The following FAM200B variants were observed in gnomAD, a reference collection of about 807,000 sequenced individuals.
FAM200B encodes zinc finger BED-type containing 11.
FAM200B carries 32 observed loss-of-function variants against 33.1 expected under a neutral mutation model. That is an observed-to-expected ratio of 0.97 (90% confidence interval 0.73 to 1.30). The LOEUF (loss-of-function observed/expected upper bound fraction) is 1.30, where lower values mean the gene tolerates loss of function less well. FAM200B is among the 50% of genes most tolerant of loss of function. The pLI is 0.00. For missense variants in FAM200B, 741 were observed against 754.0 expected (o/e 0.98, Z 0.20); for synonymous variants, 240 against 264.8 (o/e 0.91, Z 0.91).
At chr4:15,669,290 T>C in the FAM200B span, among the ~76,000 whole-genome samples, 1 of 152,170 alleles carries the variant, frequency 6.6e-6, no homozygotes, top group African/African-American at 2.4e-5. Flanking sequence ...CTGTAGGCAA[T>C]TGTAACACAA....
the FAM200B span, among the ~76,000 whole-genome samples, chr4:15,670,422 TAC>T: frequency 6.6e-6 from 1 of 152,248 alleles, no homozygotes; most frequent in Non-Finnish European, 1.5e-5. Context: ...TGTCTAATAA[TAC>T]AGAGATTCCA....
rs1719270282 is a variant in FAM200B at position 15,690,249 on chromosome 4, C to T, written c.*1298C>T. ...GTAGTCTTCAAACTAATTTCAACTT[C>T]TGCCTTTCTGTGTACTCCCTTATCC... is the stretch of plus-strand genomic sequence containing the variant. On this transcript the variant is annotated 3_prime_UTR_variant, in exon 2 of 2. Transcript: ENST00000422728. The T allele has an allele frequency of 6.0e-6, 1 of 167,060 alleles. No homozygotes were observed. The highest frequency in any genetic ancestry group is 1.5e-5 in the Non-Finnish European group (1 of 68,114). The allele number at this position is 167,060 out of a possible 1,614,324, so 10.3% of individuals were successfully genotyped here. A position where few individuals can be genotyped will look rare whatever the true frequency, so the allele number is the denominator to read the frequency against.
chr4:15,655,170 A>G, the FAM200B span: 1 of 1,362,214 alleles, frequency 7.3e-7, no homozygotes, highest in South Asian at 1.4e-5. Context: ...CGCCGCCCGC[A>G]CCGCCCACAG....
At chr4:15,668,896 T>C in the FAM200B span, among the ~76,000 whole-genome samples, 1 of 152,164 alleles carries the variant, frequency 6.6e-6, no homozygotes, top group Admixed American at 6.5e-5. Context: ...TTAAAAACTA[T>C]CCAGAGTGAC....
chr4:15,652,485 A>AAAAC, the FAM200B span, among the ~76,000 whole-genome samples: 1 of 152,214 alleles, frequency 6.6e-6, no homozygotes, highest in African/African-American at 2.4e-5. Flanking sequence ...ACCTTTCCAT[A>AAAAC]AAACTTTTTA....
chr4:15,683,699 CA>C, intron 1 of FAM200B, among the ~76,000 whole-genome samples: 1 of 151,960 alleles, frequency 6.6e-6, no homozygotes, highest in East Asian at 1.9e-4. Context: ...TTAACATAAG[CA>C]GTTTATTATG....
At chr4:15,660,383 C>T in the FAM200B span, among the ~76,000 whole-genome samples, 2 of 152,222 alleles carry the variant, frequency 1.3e-5, no homozygotes, top group Non-Finnish European at 2.9e-5. Flanking sequence ...CACCCAGCCC[C>T]GACATTGTTT....
chr4:15,644,383 AT>A, the FAM200B span: 9 of 866,082 alleles, frequency 1.0e-5, no homozygotes, highest in Non-Finnish European at 1.4e-5. Context: ...TGACAAAATA[AT>A]TTTTTTCAAC....
At chr4:15,682,981 G>A (rs1718472473) in intron 1 of FAM200B, among the ~76,000 whole-genome samples, 1 of 152,118 alleles carries the variant, frequency 6.6e-6, no homozygotes, top group African/African-American at 2.4e-5. Flanking sequence ...ACACAAGCTC[G>A]GCGCCATTAA....
the FAM200B span, among the ~76,000 whole-genome samples, chr4:15,662,163 G>C: frequency 6.7e-6 from 1 of 150,354 alleles, no homozygotes; most frequent in Non-Finnish European, 1.5e-5. Context: ...TTACACAATG[G>C]TGTACCTAAT....
chr4:15,644,372 G>A, the FAM200B span: 1 of 780,054 alleles, frequency 1.3e-6, no homozygotes, highest in Non-Finnish European at 2.0e-6. Flanking sequence ...TCTTTAACAA[G>A]TGACAAAATA....
chr4:15,640,393 G>GGAAA, the FAM200B span, among the ~76,000 whole-genome samples: 1 of 91,634 alleles, frequency 1.1e-5, no homozygotes, highest in Non-Finnish European at 2.1e-5. Context: ...CTACACTACT[G>GGAAA]AAAAAAAAAA....
the FAM200B span, among the ~76,000 whole-genome samples, chr4:15,650,196 G>GC: frequency 6.6e-6 from 1 of 152,100 alleles, no homozygotes; most frequent in Non-Finnish European, 1.5e-5. Context: ...GCACAGGACA[G>GC]CCCCCATAAA....
the FAM200B span, among the ~76,000 whole-genome samples, chr4:15,671,977 TA>T: frequency 1.3e-5 from 2 of 152,192 alleles, no homozygotes; most frequent in African/African-American, 4.8e-5. Flanking sequence ...TTTATCTCAT[TA>T]TGGGTCCTAT....
At chr4:15,670,452 C>T in the FAM200B span, among the ~76,000 whole-genome samples, 1 of 152,094 alleles carries the variant, frequency 6.6e-6, no homozygotes, top group Non-Finnish European at 1.5e-5. Flanking sequence ...TTGGTGTTAC[C>T]ATCATATCTT....
In FAM200B at chr4:15,688,466, A is replaced by C; in HGVS notation, c.1489A>C (p.Asn497His). ...FLQHIEENIINENILKEIKLE... is the reference protein window; with the variant it reads ...FLQHIEENIIHENILKEIKLE... ...GCAGCATATTGAAGAGAATATTATT[A>C]ATGAAAACATTTTGAAAGAAATAAA... Residue 497 changes from asparagine to histidine, a missense_variant, in exon 2 of 2, where the codon AAT (asparagine) becomes CAT (histidine). By Grantham distance (68) the Asn-to-His change is moderately conservative. Coordinates refer to ENST00000422728, the MANE Select transcript of FAM200B (RefSeq NM_001145191.2). 6.5e-7 allele frequency: 1 copy of C among 1,538,826 alleles called. No homozygotes were observed. The highest frequency in any genetic ancestry group is 8.8e-7 in the Non-Finnish European group (1 of 1,137,100).
chr4:15,637,926 G>A, the FAM200B span, among the ~76,000 whole-genome samples: 10 of 146,800 alleles, frequency 6.8e-5, no homozygotes, highest in African/African-American at 2.5e-4. Flanking sequence ...AAGGCAGCAC[G>A]TTTTATTTGC....
the FAM200B span, among the ~76,000 whole-genome samples, chr4:15,665,026 A>G: frequency 7.2e-5 from 11 of 152,208 alleles, no homozygotes; most frequent in Middle Eastern, 6.8e-3. Flanking sequence ...GGGCTTCTGA[A>G]TTATCAGGAA....
At chr4:15,656,307 C>G in the FAM200B span, 1 of 456,224 alleles carries the variant, frequency 2.2e-6, no homozygotes, top group Non-Finnish European at 4.4e-6. Context: ...TCTCTGCTCA[C>G]GCCGGTCAGT....
Sources: allele counts gnomAD v4.1 joint callset (sites outside exome capture counted in the v4.1 genomes callset), GRCh38; gene constraint gnomAD v4.1.1; transcripts MANE v1.5; gene names NCBI Gene and HGNC (gene_info 2026-07-23, HGNC 2026-07-21).